Variants in GSE1 observed in about 807,000 individuals in gnomAD.
GSE1 encodes genetic suppressor element 1.
GSE1 carries 32 observed loss-of-function variants against 112.6 expected under a neutral mutation model. That is an observed-to-expected ratio of 0.28 (90% CI 0.21 to 0.38). The LOEUF (loss-of-function observed/expected upper bound fraction) is 0.38, where lower values mean the gene tolerates loss of function less well. Among genes scored for constraint, GSE1 ranks in the 10% least tolerant of loss-of-function variants. The pLI is 1.00. For missense variants in GSE1, 2,348 were observed against 1,699.2 expected (o/e 1.38, Z -6.71); for synonymous variants, 1,115 against 735.6 (o/e 1.52, Z -8.35).
At chr16:85,467,117 C>T (rs1174599271) in intron 2 of GSE1, among the ~76,000 whole-genome samples, 1 of 152,208 alleles carries the variant, frequency 6.6e-6, no homozygotes, top group African/African-American at 2.4e-5. Flanking sequence ...GGCCTGGGCC[C>T]TGGCCTCCAG....
chr16:85,454,171 C>A lies in GSE1; in HGVS notation c.2464+96528C>A, dbSNP rs541438686. Among the ~76,000 whole-genome samples the A allele has an allele frequency of 2.6e-5, 4 of 152,366 alleles. No individual in the cohort carries two copies. In the South Asian group the frequency reaches 6.2e-4, roughly 24 times the overall value. On this transcript the variant is annotated intron_variant, in intron 2 of 2. Coordinates refer to the GSE1 transcript ENST00000637419. ...AAGAGCAACCAACATTTATTAAGGA[C>A]TGGCAGCGTGCAGGGCCCTGTGTGG...
intron 1 of GSE1, chr16:85,171,948 C>T (rs897677866): frequency 8.1e-6 from 3 of 370,722 alleles, no homozygotes; most frequent in Non-Finnish European, 1.1e-5. Context: ...GGGAGGTACC[C>T]TCCCTGAGTC....
intron 3 of GSE1, among the ~76,000 whole-genome samples, chr16:85,650,710 G>A (rs2051262514): frequency 6.6e-6 from 1 of 152,170 alleles, no homozygotes; most frequent in African/African-American, 2.4e-5. Flanking sequence ...GGATTAGCAG[G>A]TGATGTACGG....
upstream of GSE1, among the ~76,000 whole-genome samples, chr16:85,610,786 C>T (rs1474736053): frequency 6.6e-6 from 1 of 152,216 alleles, no homozygotes; most frequent in East Asian, 1.9e-4. Context: ...GCGCAGCTTG[C>T]ATGTCACCTG....
chr16:85,171,072 G>T (rs2074351891), exon 1 of GSE1: 1 of 985,688 alleles, frequency 1.0e-6, no homozygotes, highest in Non-Finnish European at 1.2e-6. Context: ...TCAGCCTCCT[G>T]CCCTGCCCGC....
At chr16:85,643,538 T>C (rs897870567) in intron 2 of GSE1, among the ~76,000 whole-genome samples, 6 of 151,480 alleles carry the variant, frequency 4.0e-5, no homozygotes, top group Non-Finnish European at 7.4e-5. Flanking sequence ...GAAACGAGGC[T>C]CATTCAGAGA....
chr16:85,555,487 CTT>C (rs2045157737), upstream of GSE1: 5 of 985,080 alleles, frequency 5.1e-6, no homozygotes, highest in Admixed American at 1.2e-4. Flanking sequence ...ATCGCCGCCT[CTT>C]TTATTTACGA....
chr16:85,588,107 C>T lies in GSE1; in HGVS notation c.37+31744C>T, dbSNP rs190433210. 2.6e-3 allele frequency among the ~76,000 whole-genome samples: 394 copies of T among 152,310 alleles called. 4 individuals are homozygous for T. Among genetic ancestry groups the T allele is most frequent in the African/African-American group, 8.7e-3 (362 of 41,570 alleles). On this transcript the variant is annotated intron_variant, in intron 1 of 2. Coordinates refer to the GSE1 transcript ENST00000635906. Reference sequence around the variant, plus strand: ...CACCCACCCCTTTGGTGGTGGGCGACGCTGTCCTTGCCAGCTTCACTTCAC... The same window carrying T: ...CACCCACCCCTTTGGTGGTGGGCGATGCTGTCCTTGCCAGCTTCACTTCAC...
intron 2 of GSE1, among the ~76,000 whole-genome samples, chr16:85,480,633 C>T (rs1005111058): frequency 6.6e-6 from 1 of 152,158 alleles, no homozygotes; most frequent in African/African-American, 2.4e-5. Context: ...CGATTGCCCT[C>T]CTGGGAGACA....
chr16:85,591,569 C>CGGCAGTG (rs1279589572), intron 1 of GSE1, among the ~76,000 whole-genome samples: 2 of 152,204 alleles, frequency 1.3e-5, no homozygotes, highest in Non-Finnish European at 2.9e-5. Context: ...ACCTGGCTGT[C>CGGCAGTG]GGCAGTGCCC....
At chr16:85,562,008 C>T (rs1223461727) in intron 1 of GSE1, among the ~76,000 whole-genome samples, 1 of 152,224 alleles carries the variant, frequency 6.6e-6, no homozygotes, top group East Asian at 1.9e-4. Flanking sequence ...CAAGGTCTTG[C>T]ATAGCCTCAG....
In GSE1 at chr16:85,534,294, G is replaced by A. The variant is rs569104960; in HGVS notation, c.2465-99620G>A. 5.3e-4 allele frequency among the ~76,000 whole-genome samples: 80 copies of A among 151,844 alleles called. 2 individuals carry two copies. The highest frequency in any genetic ancestry group is 5.2e-3 in the Admixed American group (80 of 15,250). ...GCGCCACCACACCTGGCTAATTTTTGTATTTTTAGTAGAGATGAGGTTTCA... is the reference window on the plus strand; with the variant it reads ...GCGCCACCACACCTGGCTAATTTTTATATTTTTAGTAGAGATGAGGTTTCA... On this transcript the variant is annotated intron_variant, in intron 2 of 2. Coordinates refer to the GSE1 transcript ENST00000637419.
chr16:85,331,351 G>GTATATATATGTATATATATA (rs1567692439), intron 1 of GSE1, among the ~76,000 whole-genome samples: 1 of 118,558 alleles, frequency 8.4e-6, no homozygotes, highest in African/African-American at 3.8e-5. Context: ...GTGTGTGTGT[G>GTATATATATGTATATATATA]TGTGTGTGTG....
At chr16:85,403,388 G>T (rs777854338) in intron 2 of GSE1, among the ~76,000 whole-genome samples, 1 of 152,172 alleles carries the variant, frequency 6.6e-6, no homozygotes, top group African/African-American at 2.4e-5. Context: ...TGGTCATTGG[G>T]GGCTCGTCAA....
At chr16:85,506,041 C>T (rs895413472) in intron 2 of GSE1, among the ~76,000 whole-genome samples, 3 of 152,014 alleles carry the variant, frequency 2.0e-5, no homozygotes, top group Non-Finnish European at 4.4e-5. Flanking sequence ...TCCTGAATGG[C>T]GCGTTCCAAG....
chr16:85,369,598 G>A (rs113418336), intron 2 of GSE1, among the ~76,000 whole-genome samples: 1,951 of 152,030 alleles, frequency 0.013, 45 homozygotes, highest in African/African-American at 0.044. Context: ...GATGCCCCTC[G>A]CCACCCTGGA....
At chr16:85,170,682 G>T in exon 1 of GSE1, 1 of 985,702 alleles carries the variant, frequency 1.0e-6, no homozygotes. Flanking sequence ...AGGTCCACGT[G>T]CAGAAGCAGG....
chr16:85,377,256 C>G (rs1472734176), intron 2 of GSE1, among the ~76,000 whole-genome samples: 18 of 152,202 alleles, frequency 1.2e-4, no homozygotes, highest in Non-Finnish European at 2.9e-5. Context: ...GCATCCCACT[C>G]TCCACAGGCA....
exon 1 of GSE1, chr16:85,170,924 C>G (rs928400894): frequency 4.4e-5 from 43 of 985,434 alleles, no homozygotes; most frequent in Non-Finnish European, 5.1e-5. Context: ...AGGAGGCTCC[C>G]GAGGGAAGAG....
Sources: gnomAD v4.1 joint callset for allele counts (sites outside exome capture counted in the v4.1 genomes callset) on GRCh38, gnomAD v4.1.1 for gene constraint, MANE v1.5 for transcripts, NCBI Gene and HGNC (gene_info 2026-07-23, HGNC 2026-07-21) for gene names.